UBAP2: variants seen among roughly 807,000 people sequenced by gnomAD.
UBAP2 encodes the protein ubiquitin-associated protein 2.
In UBAP2, 75 loss-of-function variants were observed where a neutral mutation model predicts 139.6. That is an observed-to-expected ratio of 0.54 (90% CI 0.45 to 0.65). The LOEUF (loss-of-function observed/expected upper bound fraction) is 0.65, where lower values mean the gene tolerates loss of function less well. Ranked by LOEUF, UBAP2 falls within the 30% of genes least tolerant of loss-of-function variation. UBAP2 has a pLI of 0.00. For missense variants in UBAP2, 1,368 were observed against 1,369.6 expected (o/e 1.00, Z 0.02); for synonymous variants, 526 against 526.2 (o/e 1.00, Z 0.01).
intron 2 of UBAP2, among the ~76,000 whole-genome samples, chr9:33,999,828 G>A (rs1822530869): frequency 6.6e-6 from 1 of 151,758 alleles, no homozygotes; most frequent in Non-Finnish European, 1.5e-5. Context: ...TCCTGCCTCA[G>A]CCTCCAGAGT....
At chr9:33,943,334 G>T in intron 15 of UBAP2, 86 bp downstream of exon 15, 1 of 1,356,264 alleles carries the variant, frequency 7.4e-7, no homozygotes, top group Non-Finnish European at 1.0e-6. Context: ...ACTGAGGATA[G>T]CTATTACCAC....
intron 3 of UBAP2, chr9:33,998,036 A>G (rs1822343248): frequency 6.6e-6 from 1 of 152,226 alleles, no homozygotes; most frequent in African/African-American, 2.4e-5. Flanking sequence ...AATACCTCTT[A>G]TTAAAGTTCA....
intron 1 of UBAP2, among the ~76,000 whole-genome samples, chr9:34,038,310 C>T (rs1396283384): frequency 6.6e-6 from 1 of 152,296 alleles, no homozygotes; most frequent in African/African-American, 2.4e-5. Context: ...TCCCCTCTCC[C>T]CACGGTCTCC....
rs552165278 is a variant in UBAP2 at position 33,981,064 on chromosome 9, C to CATATATATATAT, written c.520+5684_520+5695dup. On this transcript the variant is annotated intron_variant, in intron 6 of 28. Coordinates refer to ENST00000379238, the MANE Select transcript of UBAP2 (RefSeq NM_001370062.2). ...AAAAATAATATGGGCTTATTTACTT[C>CATATATATATAT]ATATATATATATATATATATATATA... Among the ~76,000 whole-genome samples, 2 of 5,278 alleles carry CATATATATATAT rather than the reference C, an allele frequency of 3.8e-4. 1 individual carries two copies. The highest frequency in any genetic ancestry group is 7.9e-4 in the Non-Finnish European group (2 of 2,546). 3.5% of individuals were successfully genotyped at this position (5,278 alleles called of 152,430 possible). A position where few individuals can be genotyped will look rare whatever the true frequency, so the allele number is the denominator to read the frequency against.
intron 1 of UBAP2, among the ~76,000 whole-genome samples, chr9:34,031,690 C>G (rs745862863): frequency 6.6e-6 from 1 of 151,886 alleles, no homozygotes; most frequent in African/African-American, 2.4e-5. Flanking sequence ...TACCACCATG[C>G]CCGGCTAATT....
At chr9:33,971,615 T>G in intron 8 of UBAP2, 36 bp downstream of exon 8, 2 of 1,211,068 alleles carry the variant, frequency 1.7e-6, no homozygotes, top group Non-Finnish European at 2.5e-6. Context: ...AGCTCAAACA[T>G]TTAAAACTCA....
intron 4 of UBAP2, among the ~76,000 whole-genome samples, chr9:33,991,181 G>GC (rs1564051283): frequency 5.3e-5 from 8 of 152,062 alleles, no homozygotes; most frequent in African/African-American, 1.9e-4. Flanking sequence ...AGCTACTCAG[G>GC]AGGCTGAGGC....
intron 8 of UBAP2, among the ~76,000 whole-genome samples, chr9:33,966,534 C>T (rs746568200): frequency 1.3e-5 from 2 of 152,060 alleles, no homozygotes; most frequent in African/African-American, 4.8e-5. Context: ...CTGAAGCTAT[C>T]GATCAATTTG....
chr9:34,001,995 A>T (rs7031210), intron 2 of UBAP2, among the ~76,000 whole-genome samples: 90,918 of 151,026 alleles, frequency 0.6, 27,731 homozygotes, highest in East Asian at 0.81. Context: ...ACAGGGTTTC[A>T]CTCTGTGTTG....
At chr9:34,000,292 A>G (rs1267970614) in intron 2 of UBAP2, among the ~76,000 whole-genome samples, 4 of 152,034 alleles carry the variant, frequency 2.6e-5, no homozygotes, top group Non-Finnish European at 5.9e-5. Context: ...TTGCAGAAAA[A>G]CTATTTACTT....
At chr9:33,960,737 G>A (rs936645484) in intron 10 of UBAP2, 89 bp downstream of exon 10, 21 of 1,289,328 alleles carry the variant, frequency 1.6e-5, no homozygotes, top group Admixed American at 7.5e-5. Flanking sequence ...CCAAGATCAC[G>A]CCATTGCATT....
rs375770890 is a variant in UBAP2, at chr9:33,948,526, C to G, written c.1118G>C (p.Ser373Thr). 1.4e-5 allele frequency: 22 copies of G among 1,614,038 alleles called. No individual in the cohort carries two copies. Among genetic ancestry groups the G allele is most frequent in the Non-Finnish European group, 1.8e-5 (21 of 1,180,024 alleles). The change falls in exon 13 of 29, where the codon AGC (serine) becomes ACC (threonine). Residue 373 changes from serine to threonine, a missense_variant. Transcript: ENST00000379238. ...LAPPKMANIT[S>T]SQILDQLKAP... ...TTTCAACTGGTCCAAAATCTGGGAG[C>G]TGGTGATGTTTGCCATTTTTGGTGG...
At chr9:34,003,673 C>CT in intron 2 of UBAP2, among the ~76,000 whole-genome samples, 1 of 152,092 alleles carries the variant, frequency 6.6e-6, no homozygotes, top group Non-Finnish European at 1.5e-5. Context: ...TCCCAAAGTG[C>CT]TGGGATTACA....
intron 19 of UBAP2, among the ~76,000 whole-genome samples, chr9:33,931,331 C>CT (rs1282779362): frequency 6.6e-6 from 1 of 152,248 alleles, no homozygotes; most frequent in African/African-American, 2.4e-5. Flanking sequence ...TGTCACAGTT[C>CT]TGTCATGCTG....
At chr9:34,016,270 GA>G (rs1824281124) in intron 2 of UBAP2, among the ~76,000 whole-genome samples, 11 of 27,252 alleles carry the variant, frequency 4.0e-4, no homozygotes, top group African/African-American at 1.1e-3. Flanking sequence ...AGAGGAGGAA[GA>G]GAAGGAGGAA....
intron 5 of UBAP2, among the ~76,000 whole-genome samples, chr9:33,987,467 T>TGTGACAGCGTGCAGCTAGTA (rs1409492056): frequency 6.6e-6 from 1 of 151,908 alleles, no homozygotes; most frequent in Non-Finnish European, 1.5e-5. Context: ...CAGGTATGGT[T>TGTGACAGCGTGCAGCTAGTA]GTGACAGCGT....
intron 1 of UBAP2, among the ~76,000 whole-genome samples, chr9:34,041,723 A>T (rs1196809438): frequency 6.6e-6 from 1 of 152,098 alleles, no homozygotes; most frequent in Admixed American, 6.6e-5. Flanking sequence ...AAAACAAAGA[A>T]AAAAGAAATC....
chr9:33,986,906 C>T, intron 5 of UBAP2, 69 bp from the exon 6 acceptor site: 1 of 1,351,844 alleles, frequency 7.4e-7, no homozygotes, highest in Non-Finnish European at 1.1e-6. Context: ...TTATCAAGCA[C>T]CTATTAAAGG....
At chr9:33,992,388 T>A (rs1238234771) in intron 4 of UBAP2, among the ~76,000 whole-genome samples, 5 of 10,338 alleles carry the variant, frequency 4.8e-4, no homozygotes, top group Non-Finnish European at 1.1e-3. Context: ...AAACTCCATC[T>A]CAAAAAAAAA....
Sources: allele counts gnomAD v4.1 joint callset (sites outside exome capture counted in the v4.1 genomes callset), GRCh38; gene constraint gnomAD v4.1.1; transcripts MANE v1.5; gene names NCBI Gene and HGNC (gene_info 2026-07-23, HGNC 2026-07-21).